The following DST variants were observed in gnomAD, a reference collection of about 807,000 sequenced individuals.
The protein encoded by DST is bullous pemphigoid antigen.
Under a neutral mutation model 875.2 loss-of-function variants are expected in DST, and 253 were observed. The ratio of observed to expected loss-of-function variants is 0.29; its 90% confidence interval spans 0.26 to 0.32. The LOEUF (loss-of-function observed/expected upper bound fraction) is 0.32, where lower values mean the gene tolerates loss of function less well. Among genes scored for constraint, DST ranks in the 10% least tolerant of loss-of-function variants. DST has a pLI of 1.00. For synonymous variants in DST, 3,124 were observed against 3,197.1 expected, an observed-to-expected ratio of 0.98 and a Z score of 0.77; for missense variants, 8,287 against 9,111.6, an observed-to-expected ratio of 0.91 and a Z score of 3.68.
At chr6:56,769,276 TAA>T (rs977567541) in intron 4 of DST, among the ~76,000 whole-genome samples, 4 of 152,088 alleles carry the variant, frequency 2.6e-5, no homozygotes, top group African/African-American at 9.7e-5. Context: ...GGCTAAAATC[TAA>T]AAAGATTACA....
chr6:56,889,908 T>G (rs1786521015), intron 3 of DST, among the ~76,000 whole-genome samples: 1 of 152,214 alleles, frequency 6.6e-6, no homozygotes, highest in Non-Finnish European at 1.5e-5. Flanking sequence ...TGTTTGAGGT[T>G]TACCTATGGT....
rs1056095905 is a variant in DST, at chr6:56,714,704, C to T, written c.688-10335G>A. Reference sequence around the variant, plus strand: ...CAGTGCCCTAACTAGAGCTTCATGTCCATTCCTGATGGCTAAGAGAGATTT... The same window carrying T: ...CAGTGCCCTAACTAGAGCTTCATGTTCATTCCTGATGGCTAAGAGAGATTT... On this transcript the variant is annotated intron_variant, in intron 5 of 103. Transcript: ENST00000680361. The surrounding 1 kb of genome is among the most constrained non-coding windows in gnomAD (Gnocchi z 4.5). Among the ~76,000 whole-genome samples, 1 of 152,162 alleles carries T rather than the reference C, an allele frequency of 6.6e-6. No homozygotes were observed. Among genetic ancestry groups the T allele is most frequent in the African/African-American group, 2.4e-5 (1 of 41,430 alleles).
In DST at chr6:56,753,828, A is replaced by G. The variant is rs541674424; in HGVS notation, c.626-18539T>C. Among the ~76,000 whole-genome samples the G allele has an allele frequency of 2.0e-5, 3 of 152,376 alleles. No individual in the cohort carries two copies. In the East Asian group the frequency reaches 5.8e-4, roughly 29 times the overall value. ...ACAAGTTAACAAAATGAGGTTTGGA[A>G]GTGGCAACAGGACATGTATCATGGA... On this transcript the variant is annotated intron_variant, in intron 4 of 103. Coordinates refer to ENST00000680361, the MANE Select transcript of DST (RefSeq NM_001374736.1).
chr6:56,614,638 T>A, intron 36 of DST, 154 bp from the exon 37 acceptor site: 1 of 1,279,836 alleles, frequency 7.8e-7, no homozygotes, highest in Non-Finnish European at 9.8e-7. Context: ...ATATTTACCA[T>A]GTCACATAGC....
chr6:56,620,026 T>C lies in DST; in HGVS notation c.4929+4504A>G, dbSNP rs576627129. 3.1e-6 allele frequency: 5 copies of C among 1,613,848 alleles called. No homozygotes were observed. The African/African-American group carries it at 6.7e-5, about 22-fold the overall frequency. On this transcript the variant is annotated intron_variant, in intron 36 of 103. Transcript: ENST00000680361. ...ATGTAGCCTGTGTGATCGGACACAC[T>C]GGCAATGCATTTTCTCTACATGTAT...
At chr6:56,654,449 G>T (rs1362929855) in intron 10 of DST, among the ~76,000 whole-genome samples, 1 of 151,970 alleles carries the variant, frequency 6.6e-6, no homozygotes, top group Non-Finnish European at 1.5e-5. Flanking sequence ...ATGCAAGCTT[G>T]GTGCCCTGAA....
At chr6:56,908,438 T>C (rs2127711688) in intron 2 of DST, among the ~76,000 whole-genome samples, 1 of 152,344 alleles carries the variant, frequency 6.6e-6, no homozygotes, top group Non-Finnish European at 1.5e-5. Flanking sequence ...ATAAACCTGG[T>C]ATCATCAACA....
At chr6:56,835,466 A>G (rs1011878336) in intron 4 of DST, among the ~76,000 whole-genome samples, 3 of 152,166 alleles carry the variant, frequency 2.0e-5, no homozygotes, top group Non-Finnish European at 4.4e-5. Flanking sequence ...AGTATATGGG[A>G]ACTATGTAGT....
At chr6:56,768,636 G>C (rs189428818) in intron 4 of DST, among the ~76,000 whole-genome samples, 1 of 152,122 alleles carries the variant, frequency 6.6e-6, no homozygotes, top group East Asian at 1.9e-4. Flanking sequence ...TGGATTTGAT[G>C]ATGAATTTTT....
chr6:56,592,207 A>T lies in DST; in HGVS notation c.12878T>A (p.Leu4293His), dbSNP rs916846271. Residue 4293 changes from leucine (L) to histidine (H), a missense_variant, in exon 49 of 104, where the codon CTT becomes CAT. By Grantham distance (99) the Leu-to-His change is moderately conservative (BLOSUM62 -3). Around this residue, in one of 10 missense-constraint regions of DST, gnomAD observed 1,513 missense variants for 1,677.8 expected, o/e 0.90. Transcript: ENST00000680361. ...SEPIAVDPKN[L>H]QRQLEETKAL... ...CTTGGTCTCTTCTAATTGCCTTTGA[A>T]GATTTTTGGGGTCCACCGCAATAGG... 2 of 1,613,574 alleles carry T rather than the reference A, an allele frequency of 1.2e-6. No individual in the cohort carries two copies. The highest frequency in any genetic ancestry group is 1.7e-6 in the Non-Finnish European group (2 of 1,179,750).
chr6:56,841,316 T>C (rs1401288364), intron 4 of DST, among the ~76,000 whole-genome samples: 2 of 152,220 alleles, frequency 1.3e-5, no homozygotes, highest in Non-Finnish European at 2.9e-5. Context: ...ATAGCACAGC[T>C]ATAAAGCCCA....
intron 4 of DST, among the ~76,000 whole-genome samples, chr6:56,737,777 C>T (rs2099531086): frequency 6.6e-6 from 1 of 152,164 alleles, no homozygotes; most frequent in Non-Finnish European, 1.5e-5. Context: ...ACATAAAAAG[C>T]CCTAAAAATA....
chr6:56,699,793 G>T, intron 8 of DST, 48 bp from the exon 9 acceptor site: 1 of 845,994 alleles, frequency 1.2e-6, no homozygotes. Flanking sequence ...TATCAAACCT[G>T]AACCAGTTAT....
chr6:56,660,402 T>C (rs2099032880), intron 10 of DST, among the ~76,000 whole-genome samples: 1 of 152,196 alleles, frequency 6.6e-6, no homozygotes, highest in African/African-American at 2.4e-5. Flanking sequence ...ACACCCTCTA[T>C]ACTACAGAAC....
chr6:56,689,578 C>A (rs1337923667), intron 9 of DST, among the ~76,000 whole-genome samples: 1 of 152,114 alleles, frequency 6.6e-6, no homozygotes, highest in Non-Finnish European at 1.5e-5. Flanking sequence ...CTAGAGGATT[C>A]TCCTGCAGGG....
intron 36 of DST, chr6:56,614,894 A>AGC: frequency 2.0e-6 from 2 of 992,678 alleles, no homozygotes. Flanking sequence ...TAAGGAAAAT[A>AGC]CACAGAATGA....
chr6:56,560,963 T>C (rs1394829519), intron 57 of DST, among the ~76,000 whole-genome samples: 1 of 152,104 alleles, frequency 6.6e-6, no homozygotes, highest in Non-Finnish European at 1.5e-5. Flanking sequence ...GCTACCCTAT[T>C]TTTATACTAC....
At chr6:56,649,489 T>C (rs775433260) in intron 12 of DST, among the ~76,000 whole-genome samples, 1 of 152,092 alleles carries the variant, frequency 6.6e-6, no homozygotes, top group Non-Finnish European at 1.5e-5. Context: ...CAGGCAAGCA[T>C]ATCTGTGCCT....
intron 2 of DST, among the ~76,000 whole-genome samples, chr6:56,905,145 G>C (rs1400240191): frequency 1.3e-5 from 2 of 152,092 alleles, no homozygotes; most frequent in African/African-American, 4.8e-5. Flanking sequence ...GTCAGTAGTG[G>C]ACTTCTATCA....
Sources: gnomAD v4.1 joint callset for allele counts (sites outside exome capture counted in the v4.1 genomes callset) on GRCh38, gnomAD v4.1.1 for gene constraint, gnomAD v4.1.1 regional missense constraint, Gnocchi (gnomAD v3.1) non-coding constraint, MANE v1.5 for transcripts, NCBI Gene and HGNC (gene_info 2026-07-23, HGNC 2026-07-21) for gene names.